Variants in RBM27 observed in about 807,000 individuals in gnomAD.
RBM27 encodes RNA binding motif protein 27.
A neutral mutation model predicts 135.3 loss-of-function variants in RBM27; 22 were observed. That is an observed-to-expected ratio of 0.16 (90% CI 0.12 to 0.23). The LOEUF is 0.23. Among genes scored for constraint, RBM27 ranks in the 10% least tolerant of loss-of-function variants. RBM27 has a pLI of 1.00. For missense variants in RBM27, 1,009 were observed against 1,281.0 expected (o/e 0.79, Z 3.24); for synonymous variants, 481 against 442.4 (o/e 1.09, Z -1.10).
chr5:146,282,809 G>T (rs547519162), intron 19 of RBM27, among the ~76,000 whole-genome samples: 13 of 152,246 alleles, frequency 8.5e-5, no homozygotes, highest in African/African-American at 3.1e-4. Flanking sequence ...TACCAGTTTA[G>T]AATCAGTTTG....
chr5:146,268,473 C>T (rs1208894550), intron 15 of RBM27, among the ~76,000 whole-genome samples: 1 of 152,140 alleles, frequency 6.6e-6, no homozygotes, highest in African/African-American at 2.4e-5. Context: ...AACTCCCAAC[C>T]TCAGGTGATC....
chr5:146,266,318 A>G (rs76234469), intron 14 of RBM27, among the ~76,000 whole-genome samples: 2,359 of 152,326 alleles, frequency 0.015, 31 homozygotes, highest in Middle Eastern at 0.02. Flanking sequence ...ACAATTTGCA[A>G]TGAAAAGCAA....
chr5:146,244,963 C>G (rs942847578), intron 8 of RBM27, among the ~76,000 whole-genome samples: 9 of 151,558 alleles, frequency 5.9e-5, no homozygotes, highest in Non-Finnish European at 1.3e-4. Flanking sequence ...AGCCTTGAAC[C>G]ACTGGGCTTA....
intron 1 of RBM27, among the ~76,000 whole-genome samples, chr5:146,211,507 G>GT (rs1166105461): frequency 1.1e-3 from 74 of 66,182 alleles, no homozygotes; most frequent in African/African-American, 3.5e-3. Context: ...TTTGAGAGGA[G>GT]TTTCGCTCTT....
At chr5:146,237,048 C>G (rs186848717) in intron 7 of RBM27, among the ~76,000 whole-genome samples, 4 of 149,880 alleles carry the variant, frequency 2.7e-5, no homozygotes, top group Non-Finnish European at 5.9e-5. Context: ...AAGCGATTCT[C>G]CTGCCTCAGC....
chr5:146,270,884 A>G (rs1758832686), intron 17 of RBM27, 70 bp from the exon 18 acceptor site: 1 of 921,412 alleles, frequency 1.1e-6, no homozygotes. Flanking sequence ...TCATTGTGTA[A>G]CTATCATGTT....
At chr5:146,253,978 A>C (rs1034600581) in intron 9 of RBM27, among the ~76,000 whole-genome samples, 1 of 152,184 alleles carries the variant, frequency 6.6e-6, no homozygotes, top group Non-Finnish European at 1.5e-5. Flanking sequence ...TTTTATTTGA[A>C]ATATGGTTTA....
chr5:146,237,439 A>G lies in RBM27; in HGVS notation c.1279+7A>G, dbSNP rs193195227. ...CTTTACACAGTATCAGAACGTAAGT[A>G]CATGTTGTTTGACTTAAAATTGACA... On this transcript the variant is annotated splice_region_variant and intron_variant, in intron 8 of 20. Coordinates refer to ENST00000265271, the MANE Select transcript of RBM27 (RefSeq NM_018989.2). 116 of 1,613,808 alleles carry G rather than the reference A, an allele frequency of 7.2e-5. No individual in the cohort carries two copies. In the East Asian group the frequency reaches 1.4e-3, roughly 20 times the overall value.
intron 8 of RBM27, among the ~76,000 whole-genome samples, chr5:146,240,113 C>A (rs1200060711): frequency 6.6e-6 from 1 of 152,078 alleles, no homozygotes; most frequent in African/African-American, 2.4e-5. Flanking sequence ...TCCTTCTTGG[C>A]AATCTTTGTC....
intron 8 of RBM27, 106 bp from the exon 9 acceptor site, chr5:146,251,605 G>T (rs1757887515): frequency 9.3e-7 from 1 of 1,070,084 alleles, no homozygotes; most frequent in Non-Finnish European, 1.4e-6. Context: ...TATTCCTGTT[G>T]GTTTAATTTC....
intron 1 of RBM27, among the ~76,000 whole-genome samples, chr5:146,206,619 T>G (rs2126662525): frequency 6.6e-6 from 1 of 152,246 alleles, no homozygotes; most frequent in South Asian, 2.1e-4. Context: ...TCGCTCTTGT[T>G]GTCCAGGCTG....
chr5:146,257,168 G>A (rs757388899), intron 10 of RBM27, among the ~76,000 whole-genome samples: 4 of 152,228 alleles, frequency 2.6e-5, no homozygotes, highest in African/African-American at 4.8e-5. Flanking sequence ...TGACAAAGAT[G>A]AAATCAAATG....
intron 17 of RBM27, among the ~76,000 whole-genome samples, chr5:146,270,482 A>C (rs1424227048): frequency 3.9e-5 from 6 of 152,220 alleles, no homozygotes. Context: ...TAAAAATTAA[A>C]GAGGTGAAAA....
chr5:146,261,498 A>C lies in RBM27; in HGVS notation c.1894-12A>C. The C allele has an allele frequency of 6.2e-7, 1 of 1,603,178 alleles. No homozygotes were observed. The highest frequency in any genetic ancestry group is 8.5e-7 in the Non-Finnish European group (1 of 1,171,586). The stretch of plus-strand genomic sequence containing the variant: ...TGTTTTTGGGAATTTATATTGTTTT[A>C]TTTTCTTCAAGGTTGCTTTTAAGGG... On this transcript the variant is annotated splice_polypyrimidine_tract_variant and intron_variant, in intron 12 of 20. Coordinates refer to ENST00000265271, the MANE Select transcript of RBM27 (RefSeq NM_018989.2).
At chr5:146,229,592 T>G (rs1756838699) in intron 4 of RBM27, 125 bp from the exon 5 acceptor site, 4 of 771,598 alleles carry the variant, frequency 5.2e-6, no homozygotes, top group Non-Finnish European at 8.2e-6. Context: ...TGTGGTAGAT[T>G]TGCAACTTTC....
At chr5:146,267,818 T>A (rs1459497673) in intron 15 of RBM27, 50 bp downstream of exon 15, 1 of 1,566,510 alleles carries the variant, frequency 6.4e-7, no homozygotes, top group Non-Finnish European at 8.7e-7. Flanking sequence ...TGCCTTGAAT[T>A]TTTAAGTGGT....
intron 1 of RBM27, among the ~76,000 whole-genome samples, chr5:146,217,768 T>G (rs1014936772): frequency 2.0e-5 from 3 of 152,100 alleles, no homozygotes; most frequent in African/African-American, 2.4e-5. Context: ...TTGTTTGTTT[T>G]TTGTTTCTTT....
chr5:146,208,706 A>T (rs947227640), intron 1 of RBM27, among the ~76,000 whole-genome samples: 4 of 152,198 alleles, frequency 2.6e-5, no homozygotes, highest in African/African-American at 7.2e-5. Flanking sequence ...ACCCCTTTAA[A>T]GTAAGGTTCT....
intron 3 of RBM27, among the ~76,000 whole-genome samples, chr5:146,225,622 G>A (rs886853834): frequency 4.7e-5 from 7 of 149,784 alleles, no homozygotes; most frequent in Admixed American, 3.3e-4. Context: ...TTGGAGTGCA[G>A]TGGTGCCATC....
Sources: allele counts gnomAD v4.1 joint callset (sites outside exome capture counted in the v4.1 genomes callset), GRCh38; gene constraint gnomAD v4.1.1; transcripts MANE v1.5; gene names NCBI Gene and HGNC (gene_info 2026-07-23, HGNC 2026-07-21).